MAML3: variants seen among roughly 807,000 people sequenced by gnomAD.
The protein encoded by MAML3 is mastermind like transcriptional coactivator 3.
In MAML3, 27 loss-of-function variants were observed where a neutral mutation model predicts 101.9. The observed-to-expected ratio is 0.27, with a 90% confidence interval of 0.20 to 0.37. The LOEUF (loss-of-function observed/expected upper bound fraction) is 0.37. Ranked by LOEUF, MAML3 falls within the 10% of genes least tolerant of loss-of-function variation. The pLI is 1.00. For synonymous variants in MAML3, 501 were observed against 555.9 expected (o/e 0.90, Z 1.39); for missense variants, 1,316 against 1,444.9 (o/e 0.91, Z 1.45).
intron 2 of MAML3, among the ~76,000 whole-genome samples, chr4:139,854,716 G>A (rs542420123): frequency 4.6e-5 from 7 of 152,278 alleles, no homozygotes; most frequent in African/African-American, 1.4e-4. Context: ...GTCTCACTCC[G>A]TGCCCAAGAT....
intron 1 of MAML3, among the ~76,000 whole-genome samples, chr4:139,907,293 T>C (rs565962539): frequency 6.6e-6 from 1 of 152,166 alleles, no homozygotes; most frequent in Admixed American, 6.5e-5. Flanking sequence ...AATGAGAGGG[T>C]TGGACTACAT....
intron 2 of MAML3, among the ~76,000 whole-genome samples, chr4:139,783,037 C>T (rs1730244172): frequency 1.3e-5 from 2 of 152,140 alleles, no homozygotes; most frequent in African/African-American, 4.8e-5. Flanking sequence ...GATAGGAATC[C>T]TTCCCCAGGG....
rs150084601 is a variant in MAML3 at position 140,044,649 on chromosome 4, T to C, written c.468+108211A>G. 5.2e-3 allele frequency among the ~76,000 whole-genome samples: 785 copies of C among 152,300 alleles called. 8 individuals are homozygous for C. The highest frequency in any genetic ancestry group is 0.018 in the African/African-American group (757 of 41,578). Reference sequence around the variant, plus strand: ...TAGTGGATTTGCAGCAGCTGTGAAATGTCAAGTCAAAATGCCATGGAAGAT... The same window carrying C: ...TAGTGGATTTGCAGCAGCTGTGAAACGTCAAGTCAAAATGCCATGGAAGAT... On this transcript the variant is annotated intron_variant, in intron 1 of 4. Coordinates refer to ENST00000509479, the MANE Select transcript of MAML3 (RefSeq NM_018717.5).
intron 2 of MAML3, among the ~76,000 whole-genome samples, chr4:139,856,864 C>G (rs1731671669): frequency 6.6e-6 from 1 of 152,100 alleles, no homozygotes; most frequent in South Asian, 2.1e-4. Context: ...TATTTTCTAA[C>G]ATTAACAGAT....
At chr4:139,803,988 T>G (rs1730660461) in intron 2 of MAML3, among the ~76,000 whole-genome samples, 1 of 152,098 alleles carries the variant, frequency 6.6e-6, no homozygotes, top group Non-Finnish European at 1.5e-5. Context: ...GATCTTCACA[T>G]GTAGAGTGCA....
chr4:139,984,445 G>C (rs1174859919), intron 1 of MAML3, among the ~76,000 whole-genome samples: 1 of 148,780 alleles, frequency 6.7e-6, no homozygotes, highest in Non-Finnish European at 1.5e-5. Flanking sequence ...TGTGTTCCTT[G>C]CTTTGTATGA....
At chr4:140,040,933 TA>T (rs1727076148) in intron 1 of MAML3, among the ~76,000 whole-genome samples, 1 of 152,074 alleles carries the variant, frequency 6.6e-6, no homozygotes, top group Non-Finnish European at 1.5e-5. Flanking sequence ...GAACTACAAT[TA>T]CTATTTAGCG....
chr4:139,763,186 A>G (rs867797697), intron 2 of MAML3, among the ~76,000 whole-genome samples: 1 of 152,210 alleles, frequency 6.6e-6, no homozygotes, highest in African/African-American at 2.4e-5. Context: ...CAAGAACTTA[A>G]CTCTACAGAG....
At chr4:139,768,867 T>C (rs1008800911) in intron 2 of MAML3, among the ~76,000 whole-genome samples, 4 of 152,200 alleles carry the variant, frequency 2.6e-5, no homozygotes, top group Non-Finnish European at 5.9e-5. Context: ...GTTAATTATA[T>C]ATTTTCCCCC....
intron 1 of MAML3, among the ~76,000 whole-genome samples, chr4:140,083,665 T>C (rs997393057): frequency 6.6e-6 from 1 of 152,152 alleles, no homozygotes; most frequent in Non-Finnish European, 1.5e-5. Flanking sequence ...ATTCTTTAGT[T>C]TTACCTCTCA....
At chr4:139,792,784 A>G (rs959451548) in intron 2 of MAML3, among the ~76,000 whole-genome samples, 20 of 146,910 alleles carry the variant, frequency 1.4e-4, no homozygotes, top group Non-Finnish European at 2.2e-4. Context: ...TTGCTCTGTC[A>G]CCCAGGCTGG....
At chr4:140,038,893 G>A (rs930766653) in intron 1 of MAML3, among the ~76,000 whole-genome samples, 3 of 152,276 alleles carry the variant, frequency 2.0e-5, no homozygotes, top group East Asian at 3.9e-4. Flanking sequence ...CACTTTGGGA[G>A]GCTGAGGTGG....
In MAML3 at chr4:139,889,986, G is replaced by C. The variant is rs753215846; in HGVS notation, c.1450C>G (p.Gln484Glu). 2 of 1,612,862 alleles carry C rather than the reference G, an allele frequency of 1.2e-6. No individual in the cohort carries two copies. The highest frequency in any genetic ancestry group is 3.3e-5 in the Admixed American group (2 of 59,714). ...TGCTGCTGTTGCTGTTGCTGTTTCT[G>C]CTGCATGAGTTTGGCCCTTTGTTGC... ...QQQQRAKLMQ[Q>E]KQQQQQQQQQ... The change falls in exon 2 of 5, where the codon CAG becomes GAG. Residue 484 changes from glutamine to glutamate, a missense_variant. Gln to Glu is a conservative substitution (Grantham distance 29). Transcript: ENST00000509479.
At chr4:139,873,342 C>T (rs1732051913) in intron 2 of MAML3, among the ~76,000 whole-genome samples, 1 of 152,168 alleles carries the variant, frequency 6.6e-6, no homozygotes, top group Non-Finnish European at 1.5e-5. Flanking sequence ...CTCACCTTTG[C>T]CAGCTCAGTT....
In MAML3 at chr4:140,154,075, CTG is replaced by C; in HGVS notation, c.-750_-749del. On this transcript the variant is annotated 5_prime_UTR_variant, in exon 1 of 5. It introduces an in-frame stop codon into an upstream open reading frame of the 5' UTR. Coordinates refer to ENST00000509479, the MANE Select transcript of MAML3 (RefSeq NM_018717.5). ...CTCGGCTGGGCTGCCGCTGCCGCCG[CTG>C]CTCCTGCCACCATCACAATGATCAA... is the stretch of plus-strand genomic sequence containing the variant. The C allele has an allele frequency of 1.2e-5, 2 of 169,780 alleles. No homozygotes were observed. Among genetic ancestry groups the C allele is most frequent in the Admixed American group, 6.4e-5 (1 of 15,700 alleles). The allele number at this position is 169,780 out of a possible 1,614,324, so 10.5% of individuals were successfully genotyped here.
rs180757546 is a variant in MAML3 at position 139,861,051 on chromosome 4, T to A, written c.2079+28306A>T. On this transcript the variant is annotated intron_variant, in intron 2 of 4. Coordinates refer to ENST00000509479, the MANE Select transcript of MAML3 (RefSeq NM_018717.5). ...ACATAAAGATATATACATCTGTATA[T>A]ACTAAAAGATGAGACCTTCCTTTTC... Among the ~76,000 whole-genome samples the A allele has an allele frequency of 7.2e-5, 11 of 152,234 alleles. No individual in the cohort carries two copies. The East Asian group carries it at 2.1e-3, about 29-fold the overall frequency.
chr4:139,886,634 C>A (rs1732343951), intron 2 of MAML3, among the ~76,000 whole-genome samples: 1 of 152,080 alleles, frequency 6.6e-6, no homozygotes, highest in Non-Finnish European at 1.5e-5. Context: ...TCATTTATAT[C>A]ATGAATGTCA....
intron 1 of MAML3, among the ~76,000 whole-genome samples, chr4:140,091,036 C>T (rs1032986294): frequency 1.3e-5 from 2 of 151,114 alleles, no homozygotes; most frequent in East Asian, 3.9e-4. Context: ...GGCAACAGAG[C>T]GAGATTCTGT....
intron 1 of MAML3, among the ~76,000 whole-genome samples, chr4:140,001,358 T>C (rs1734920343): frequency 6.6e-6 from 1 of 152,190 alleles, no homozygotes; most frequent in African/African-American, 2.4e-5. Context: ...ACAATATTCA[T>C]TTAAGGAAGG....
Sources: allele counts gnomAD v4.1 joint callset (sites outside exome capture counted in the v4.1 genomes callset), GRCh38; gene constraint gnomAD v4.1.1; transcripts MANE v1.5; gene names NCBI Gene and HGNC (gene_info 2026-07-23, HGNC 2026-07-21).